Variants in RNF24 observed in about 807,000 individuals in gnomAD.
RNF24 encodes the protein ring finger protein 24.
In RNF24, 14 loss-of-function variants were observed where a neutral mutation model predicts 20.0. The observed-to-expected ratio is 0.70, with a 90% CI of 0.46 to 1.10. RNF24 has a LOEUF of 1.10. Ranked by LOEUF, RNF24 falls within the 50% of genes least tolerant of loss-of-function variation. The pLI, the probability that RNF24 is intolerant of heterozygous loss-of-function variation, is 0.00. For synonymous variants in RNF24, 45 were observed against 61.1 expected, an observed-to-expected ratio of 0.74 and a Z score of 1.23; for missense variants, 124 against 177.6, an observed-to-expected ratio of 0.70 and a Z score of 1.71.
chr20:3,950,350 A>G (rs2091067379), intron 2 of RNF24, among the ~76,000 whole-genome samples: 1 of 152,206 alleles, frequency 6.6e-6, no homozygotes, highest in Non-Finnish European at 1.5e-5. Flanking sequence ...GACAGACGGA[A>G]AAGAAGGCCA....
At chr20:3,960,919 G>A (rs1416656889) in intron 2 of RNF24, among the ~76,000 whole-genome samples, 5 of 151,660 alleles carry the variant, frequency 3.3e-5, no homozygotes, top group East Asian at 2.0e-4. Flanking sequence ...TCAGCCTCCC[G>A]ATTAGCTGGG....
Position 3,934,844 on chromosome 20 carries a change from C to A in RNF24, c.308+150G>T. ...TCCTAATGTCACGCACACACACACA[C>A]ATCCCACCTGTAGGGTGCTGTCAGC... On this transcript the variant is annotated intron_variant, in intron 5 of 5. Transcript: ENST00000358395. This position sits in a 1 kb window ranked among gnomAD's most constrained non-coding sequence, Gnocchi z 4.0. The A allele has an allele frequency of 1.6e-6, 1 of 628,768 alleles. No individual in the cohort carries two copies. The highest frequency in any genetic ancestry group is 1.7e-5 in the South Asian group (1 of 57,446). The allele number at this position is 628,768 out of a possible 1,614,324, so 38.9% of individuals were successfully genotyped here. A position where few individuals can be genotyped will look rare whatever the true frequency, so the allele number is the denominator to read the frequency against.
At chr20:3,935,451 A>G (rs553334249) in intron 4 of RNF24, among the ~76,000 whole-genome samples, 1 of 152,202 alleles carries the variant, frequency 6.6e-6, no homozygotes, top group Non-Finnish European at 1.5e-5. Flanking sequence ...CCACCTTGTC[A>G]GCAGCACAGC....
chr20:3,934,023 C>A lies in RNF24; in HGVS notation c.*40G>T. 1.4e-6 allele frequency: 2 copies of A among 1,420,630 alleles called. No individual in the cohort carries two copies. Among genetic ancestry groups the A allele is most frequent in the African/African-American group, 1.5e-5 (1 of 67,348 alleles). The allele number at this position is 1,420,630 out of a possible 1,614,324, so 88.0% of individuals were successfully genotyped here. On this transcript the variant is annotated 3_prime_UTR_variant, in exon 6 of 6. Transcript: ENST00000358395. This position sits in a 1 kb window ranked among gnomAD's most constrained non-coding sequence, Gnocchi z 4.0. Reference sequence around the variant, plus strand: ...CACATGTGTTCCTCCTGGCTCCACACAGACGTCGTGTCCAGCAACAGTCTG... The same window carrying A: ...CACATGTGTTCCTCCTGGCTCCACAAAGACGTCGTGTCCAGCAACAGTCTG...
chr20:4,008,420 T>TA (rs1982108043), intron 1 of RNF24, among the ~76,000 whole-genome samples: 1 of 44,672 alleles, frequency 2.2e-5, no homozygotes, highest in Non-Finnish European at 3.9e-5. Flanking sequence ...ATATATATAT[T>TA]ATATATAATA....
At chr20:3,991,023 T>C (rs980710462) in intron 1 of RNF24, among the ~76,000 whole-genome samples, 1 of 152,246 alleles carries the variant, frequency 6.6e-6, no homozygotes, top group East Asian at 1.9e-4. Flanking sequence ...GCTAGCTTTG[T>C]ATTTGTCTAA....
intron 1 of RNF24, among the ~76,000 whole-genome samples, chr20:3,987,145 A>T (rs1979999850): frequency 6.6e-6 from 1 of 152,050 alleles, no homozygotes; most frequent in South Asian, 2.1e-4. Context: ...TTTTTTGATT[A>T]ATTGATGGCA....
intron 1 of RNF24, among the ~76,000 whole-genome samples, chr20:3,974,949 T>C (rs1272928938): frequency 6.6e-6 from 1 of 151,992 alleles, no homozygotes; most frequent in Non-Finnish European, 1.5e-5. Flanking sequence ...ATAAAACAGC[T>C]AAAGCAATTT....
chr20:3,983,659 A>G (rs1378507637), intron 1 of RNF24, among the ~76,000 whole-genome samples: 1 of 152,092 alleles, frequency 6.6e-6, no homozygotes, highest in Admixed American at 6.6e-5. Context: ...AATACATATC[A>G]GCCAGGCGTC....
intron 1 of RNF24, among the ~76,000 whole-genome samples, chr20:4,002,055 A>G (rs1981442499): frequency 1.3e-5 from 2 of 152,110 alleles, no homozygotes; most frequent in Non-Finnish European, 2.9e-5. Flanking sequence ...GATCGAGACT[A>G]GCCTGGGCCA....
intron 1 of RNF24, among the ~76,000 whole-genome samples, chr20:3,975,963 T>C (rs1978834486): frequency 6.6e-6 from 1 of 152,126 alleles, no homozygotes; most frequent in African/African-American, 2.4e-5. Context: ...ATCTTTGCAT[T>C]TTTAGTAGAG....
intron 4 of RNF24, among the ~76,000 whole-genome samples, chr20:3,938,552 C>T (rs2090919031): frequency 1.3e-5 from 2 of 152,080 alleles, no homozygotes; most frequent in East Asian, 3.8e-4. Flanking sequence ...CTACAAAAGA[C>T]CCTGTTAGGA....
intron 1 of RNF24, among the ~76,000 whole-genome samples, chr20:3,977,647 C>G (rs1395831416): frequency 6.6e-6 from 1 of 151,962 alleles, no homozygotes; most frequent in African/African-American, 2.4e-5. Context: ...GGGCGGATCA[C>G]GAGGTCAGGA....
chr20:3,943,962 C>A (rs2090986982), intron 4 of RNF24, among the ~76,000 whole-genome samples: 2 of 152,122 alleles, frequency 1.3e-5, no homozygotes. Context: ...GTAATCCCAG[C>A]ACTTTGGGAG....
At chr20:3,936,639 A>G (rs1456202003) in intron 4 of RNF24, among the ~76,000 whole-genome samples, 2 of 152,196 alleles carry the variant, frequency 1.3e-5, no homozygotes, top group African/African-American at 2.4e-5. Flanking sequence ...TGATGCTCCC[A>G]TCTCCTAGAC....
chr20:3,974,398 G>A (rs1407715312), intron 1 of RNF24: 6 of 1,546,098 alleles, frequency 3.9e-6, no homozygotes, highest in Non-Finnish European at 5.2e-6. Context: ...AGTGCTGGAA[G>A]TTCTAGCCAG....
chr20:3,961,839 C>G (rs542609532), intron 2 of RNF24, among the ~76,000 whole-genome samples: 5 of 151,368 alleles, frequency 3.3e-5, no homozygotes, highest in Non-Finnish European at 7.4e-5. Context: ...AAAAAAAAAC[C>G]ATATTTTTAT....
Position 3,990,432 on chromosome 20 carries a change from T to G in RNF24, c.-8+25005A>C, listed in dbSNP as rs117255962. On this transcript the variant is annotated intron_variant, in intron 1 of 5. Coordinates refer to ENST00000358395, the MANE Select transcript of RNF24 (RefSeq NM_001134337.3). ...TATCTTTCAGATGTACTTGCATGCATACTCAAAGACACATTTGTACCAGGC... is the reference window on the plus strand; with the variant it reads ...TATCTTTCAGATGTACTTGCATGCAGACTCAAAGACACATTTGTACCAGGC... 9.9e-3 allele frequency among the ~76,000 whole-genome samples: 1,515 copies of G among 152,334 alleles called. 8 individuals are homozygous for G. Among genetic ancestry groups the G allele is most frequent in the Middle Eastern group, 0.024 (7 of 294 alleles).
intron 1 of RNF24, among the ~76,000 whole-genome samples, chr20:3,985,761 A>G (rs1444840832): frequency 6.7e-6 from 1 of 149,122 alleles, no homozygotes; most frequent in African/African-American, 2.5e-5. Context: ...CTGGAGTGCA[A>G]TGGCACGATC....
Sources: gnomAD v4.1 joint callset for allele counts (sites outside exome capture counted in the v4.1 genomes callset) on GRCh38, gnomAD v4.1.1 for gene constraint, Gnocchi (gnomAD v3.1) non-coding constraint, MANE v1.5 for transcripts, NCBI Gene and HGNC (gene_info 2026-07-23, HGNC 2026-07-21) for gene names.